The following IL1RAPL1 variants were observed in gnomAD, a reference collection of about 807,000 sequenced individuals.
IL1RAPL1 encodes interleukin-1 receptor accessory protein-like 1.
Under a neutral mutation model 48.4 loss-of-function variants are expected in IL1RAPL1, and 3 were observed. The observed-to-expected ratio is 0.06, with a 90% CI of 0.03 to 0.16. IL1RAPL1 has a LOEUF of 0.16. Among genes scored for constraint, IL1RAPL1 ranks in the 10% least tolerant of loss-of-function variants. The pLI, the probability that IL1RAPL1 is intolerant of heterozygous loss-of-function variation, is 1.00. For missense variants in IL1RAPL1, 349 were observed against 530.6 expected (o/e 0.66, Z 3.36); for synonymous variants, 185 against 187.7 (o/e 0.99, Z 0.12).
chrX:29,914,756 T>C (rs1932784511), intron 6 of IL1RAPL1, among the ~76,000 whole-genome samples: 1 of 107,076 alleles, frequency 9.3e-6, no homozygotes, highest in African/African-American at 3.8e-5. Context: ...AATATTTGAT[T>C]TGAAACTGTT....
At chrX:28,767,128 T>C (rs895568126) in intron 1 of IL1RAPL1, among the ~76,000 whole-genome samples, 1 of 111,669 alleles carries the variant, frequency 9.0e-6, no homozygotes, top group Non-Finnish European at 1.9e-5. Context: ...CTATTCTCCT[T>C]AGTGGTTGTA....
chrX:29,019,022 G>A (rs749826000), intron 2 of IL1RAPL1, among the ~76,000 whole-genome samples: 3 of 111,913 alleles, frequency 2.7e-5, no homozygotes, highest in South Asian at 3.7e-4. Flanking sequence ...CAGCAAACAC[G>A]TCTTTCCTCA....
chrX:29,777,159 G>A (rs1929218566), intron 6 of IL1RAPL1, among the ~76,000 whole-genome samples: 1 of 111,953 alleles, frequency 8.9e-6, no homozygotes, highest in East Asian at 2.8e-4. Flanking sequence ...TTCCTGAACT[G>A]GCTCTTTGTA....
At chrX:29,686,534 G>GATTT (rs71956626) in intron 6 of IL1RAPL1, among the ~76,000 whole-genome samples, 32,965 of 83,161 alleles carry the variant, frequency 0.4, 6,262 homozygotes, top group Middle Eastern at 0.53. Context: ...CCCCCCTAAA[G>GATTT]ATTTATTTAT....
intron 2 of IL1RAPL1, among the ~76,000 whole-genome samples, chrX:29,222,015 C>CCA (rs1555977691): frequency 3.1e-5 from 2 of 65,407 alleles, no homozygotes; most frequent in East Asian, 1.1e-3. Context: ...GAGATTCCGT[C>CCA]AAAAAAAAAA....
At chrX:29,767,878 G>T (rs765999848) in intron 6 of IL1RAPL1, among the ~76,000 whole-genome samples, 4 of 110,540 alleles carry the variant, frequency 3.6e-5, no homozygotes, top group Non-Finnish European at 7.6e-5. Context: ...CCTTTGCATG[G>T]TTCTTCATCT....
chrX:29,208,758 C>T (rs923388556), intron 2 of IL1RAPL1, among the ~76,000 whole-genome samples: 4 of 107,752 alleles, frequency 3.7e-5, no homozygotes, highest in Non-Finnish European at 7.7e-5. Flanking sequence ...AAATAAAAGT[C>T]TTAGCTAATC....
intron 2 of IL1RAPL1, among the ~76,000 whole-genome samples, chrX:28,999,972 T>C (rs1925812280): frequency 9.0e-6 from 1 of 111,317 alleles, no homozygotes; most frequent in Non-Finnish European, 1.9e-5. Context: ...TCCTCCAGAG[T>C]ACCTGTGGAA....
rs927968783 is a variant in IL1RAPL1 at position 29,461,622 on chromosome X, A to G, written c.703+62314A>G. 5.4e-5 allele frequency among the ~76,000 whole-genome samples: 6 copies of G among 111,559 alleles called. No individual in the cohort carries two copies. In the East Asian group the frequency reaches 1.7e-3, roughly 31 times the overall value. Reference sequence around the variant, plus strand: ...ACTGTAAACTCTCCGAATGTCCATCAACTAGTGAATAGATAAACAAAATAT... The same window carrying G: ...ACTGTAAACTCTCCGAATGTCCATCGACTAGTGAATAGATAAACAAAATAT... On this transcript the variant is annotated intron_variant, in intron 5 of 10. Coordinates refer to ENST00000378993, the MANE Select transcript of IL1RAPL1 (RefSeq NM_014271.4).
intron 5 of IL1RAPL1, among the ~76,000 whole-genome samples, chrX:29,642,674 A>G (rs772057931): frequency 3.6e-5 from 4 of 112,639 alleles, no homozygotes; most frequent in African/African-American, 1.3e-4. Context: ...TGCTCAGACA[A>G]TGATTCCTGT....
chrX:28,909,542 A>G (rs1923306480), intron 2 of IL1RAPL1, among the ~76,000 whole-genome samples: 1 of 111,428 alleles, frequency 9.0e-6, no homozygotes, highest in Non-Finnish European at 1.9e-5. Flanking sequence ...CATTGCATTT[A>G]ACTTGATTCT....
At chrX:28,820,440 A>T (rs1326658964) in intron 2 of IL1RAPL1, among the ~76,000 whole-genome samples, 1 of 111,027 alleles carries the variant, frequency 9.0e-6, no homozygotes, top group Non-Finnish European at 1.9e-5. Context: ...CACTTACCTG[A>T]GCATCAGTGA....
intron 5 of IL1RAPL1, among the ~76,000 whole-genome samples, chrX:29,659,904 A>G (rs555932444): frequency 2.0e-4 from 22 of 111,957 alleles, no homozygotes; most frequent in African/African-American, 6.8e-4. Context: ...ACCTGAGACT[A>G]GGTAATTTAT....
intron 5 of IL1RAPL1, among the ~76,000 whole-genome samples, chrX:29,590,163 A>G (rs1923321455): frequency 9.0e-6 from 1 of 110,915 alleles, no homozygotes; most frequent in African/African-American, 3.3e-5. Flanking sequence ...GACAGCAGCA[A>G]GGGGATGGTG....
intron 3 of IL1RAPL1, among the ~76,000 whole-genome samples, chrX:29,366,017 C>A: frequency 1.0e-5 from 1 of 99,339 alleles, no homozygotes. Flanking sequence ...CTACACACTC[C>A]AGCCTGGATG....
intron 1 of IL1RAPL1, among the ~76,000 whole-genome samples, chrX:28,762,350 AG>A (rs1469428543): frequency 8.9e-6 from 1 of 111,945 alleles, no homozygotes; most frequent in African/African-American, 3.2e-5. Context: ...AAATCAAAAT[AG>A]GAATAAAAGG....
intron 5 of IL1RAPL1, among the ~76,000 whole-genome samples, chrX:29,556,473 C>A (rs998487319): frequency 1.8e-5 from 2 of 109,931 alleles, no homozygotes; most frequent in Non-Finnish European, 1.9e-5. Context: ...CATAGTGAAA[C>A]CCTGTCTCTA....
At chrX:28,872,263 C>A (rs1028194051) in intron 2 of IL1RAPL1, among the ~76,000 whole-genome samples, 2 of 111,597 alleles carry the variant, frequency 1.8e-5, no homozygotes, top group African/African-American at 6.5e-5. Context: ...CAAGCATCCT[C>A]CCACCTTGGC....
At chrX:29,506,819 A>G (rs1935335759) in intron 5 of IL1RAPL1, among the ~76,000 whole-genome samples, 1 of 109,866 alleles carries the variant, frequency 9.1e-6, no homozygotes, top group African/African-American at 3.3e-5. Flanking sequence ...TTCTGTCTTC[A>G]GGTACTCCTG....
Sources: allele counts gnomAD v4.1 joint callset (sites outside exome capture counted in the v4.1 genomes callset), GRCh38; gene constraint gnomAD v4.1.1; transcripts MANE v1.5; gene names NCBI Gene and HGNC (gene_info 2026-07-23, HGNC 2026-07-21).